AP2B1: variants seen among roughly 807,000 people sequenced by gnomAD.
AP2B1 encodes the protein AP-2 complex subunit beta.
AP2B1 carries 23 observed loss-of-function variants against 102.0 expected under a neutral mutation model. That is an observed-to-expected ratio of 0.23 (90% CI 0.16 to 0.32). The LOEUF is 0.32. AP2B1 is among the 10% of genes least tolerant of loss of function. The pLI is 1.00. For missense variants in AP2B1, 541 were observed against 1,157.4 expected, an observed-to-expected ratio of 0.47 and a Z score of 7.73; for synonymous variants, 381 against 421.2, an observed-to-expected ratio of 0.90 and a Z score of 1.17.
At chr17:35,708,528 T>G (rs901032537) in intron 18 of AP2B1, among the ~76,000 whole-genome samples, 1 of 152,068 alleles carries the variant, frequency 6.6e-6, no homozygotes, top group Non-Finnish European at 1.5e-5. Context: ...GAGAAGAAAA[T>G]TTATTTATTT....
At position 35,703,264 on chromosome 17, in the gene AP2B1, C is replaced by A. The variant is rs1005275392; in HGVS notation, c.2455-5960C>A. Among the ~76,000 whole-genome samples the A allele has an allele frequency of 5.3e-3, 539 of 101,828 alleles. 2 individuals are homozygous for A. The highest frequency in any genetic ancestry group is 7.1e-3 in the African/African-American group (180 of 25,382). 66.8% of individuals were successfully genotyped at this position (101,828 alleles called of 152,430 possible). On this transcript the variant is annotated intron_variant, in intron 18 of 21. Coordinates refer to ENST00000610402, the MANE Select transcript of AP2B1 (RefSeq NM_001030006.2). ...TGGGTGACAGAGCCAGACTCCATCT[C>A]AAAAAAAAAAAAAAAAAAGACCTAA... is the stretch of plus-strand genomic sequence containing the variant.
intron 3 of AP2B1, among the ~76,000 whole-genome samples, chr17:35,605,438 C>T (rs923873257): frequency 1.3e-5 from 2 of 151,888 alleles, no homozygotes; most frequent in African/African-American, 2.4e-5. Flanking sequence ...TTAGTAGAGA[C>T]GGGGTTTCTC....
intron 14 of AP2B1, among the ~76,000 whole-genome samples, chr17:35,660,555 C>T (rs2142897923): frequency 6.9e-6 from 1 of 144,692 alleles, no homozygotes; most frequent in East Asian, 2.0e-4. Context: ...GTGATCTTGG[C>T]TCACTGCAAC....
At chr17:35,590,146 G>T (rs949448641) in intron 1 of AP2B1, among the ~76,000 whole-genome samples, 1 of 151,994 alleles carries the variant, frequency 6.6e-6, no homozygotes, top group African/African-American at 2.4e-5. Context: ...GGATGGTCTC[G>T]ATCTCCTGAC....
At chr17:35,672,325 T>C (rs1372948265) in intron 16 of AP2B1, among the ~76,000 whole-genome samples, 1 of 152,200 alleles carries the variant, frequency 6.6e-6, no homozygotes, top group African/African-American at 2.4e-5. Context: ...TCATGGATTT[T>C]AGTGTACCTT....
At chr17:35,614,315 A>G (rs866519330) in intron 5 of AP2B1, among the ~76,000 whole-genome samples, 9 of 152,116 alleles carry the variant, frequency 5.9e-5, no homozygotes, top group African/African-American at 1.9e-4. Flanking sequence ...TTCCCGAGCA[A>G]CTGGAACTAC....
chr17:35,711,258 G>A (rs2076440850), intron 20 of AP2B1, among the ~76,000 whole-genome samples: 2 of 152,066 alleles, frequency 1.3e-5, no homozygotes, highest in Non-Finnish European at 1.5e-5. Context: ...GAGCCTTGGT[G>A]CTTGGTCGGT....
chr17:35,654,390 T>A (rs2075167278), intron 13 of AP2B1, among the ~76,000 whole-genome samples: 1 of 152,182 alleles, frequency 6.6e-6, no homozygotes, highest in African/African-American at 2.4e-5. Context: ...TTACTTTTTA[T>A]CATATAAATC....
chr17:35,627,358 CCTTT>C, intron 7 of AP2B1, 23 bp from the exon 8 acceptor site: 1 of 1,524,898 alleles, frequency 6.6e-7, no homozygotes, highest in Non-Finnish European at 8.9e-7. Flanking sequence ...CCTTCACCTT[CCTTT>C]CTTCTGTTTC....
intron 3 of AP2B1, among the ~76,000 whole-genome samples, chr17:35,598,869 G>A (rs1050330058): frequency 2.6e-5 from 4 of 152,140 alleles, no homozygotes; most frequent in Admixed American, 1.3e-4. Context: ...AGACCCTTTC[G>A]GGGGGTCCGT....
intron 5 of AP2B1, among the ~76,000 whole-genome samples, chr17:35,610,851 G>A (rs1280218346): frequency 6.6e-6 from 1 of 151,018 alleles, no homozygotes; most frequent in Non-Finnish European, 1.5e-5. Context: ...AGCTTGCAGT[G>A]AGCCGAGGTC....
chr17:35,596,770 C>G, intron 2 of AP2B1: 1 of 576,282 alleles, frequency 1.7e-6, no homozygotes, highest in South Asian at 1.7e-5. Flanking sequence ...ACAGCGCCCG[C>G]AGCTGCGCCC....
chr17:35,723,339 A>C (rs2085457942), intron 21 of AP2B1, among the ~76,000 whole-genome samples: 1 of 152,228 alleles, frequency 6.6e-6, no homozygotes, highest in African/African-American at 2.4e-5. Context: ...GCATTAGAGC[A>C]GCTGTTGCTC....
intron 21 of AP2B1, among the ~76,000 whole-genome samples, chr17:35,722,243 CAAAA>C (rs1340846252): frequency 6.6e-6 from 1 of 151,864 alleles, no homozygotes; most frequent in Non-Finnish European, 1.5e-5. Context: ...GACTCTGTCT[CAAAA>C]AAAGAATTGC....
chr17:35,592,522 G>A (rs866329369), intron 1 of AP2B1, among the ~76,000 whole-genome samples: 7 of 151,464 alleles, frequency 4.6e-5, no homozygotes, highest in African/African-American at 1.5e-4. Flanking sequence ...CTGAGCCACC[G>A]CGCCTGGCCC....
At chr17:35,617,648 C>G (rs1346553922) in intron 5 of AP2B1, among the ~76,000 whole-genome samples, 1 of 152,128 alleles carries the variant, frequency 6.6e-6, no homozygotes. Flanking sequence ...TTCCTGAAAG[C>G]TGGATCTGTT....
chr17:35,703,735 G>T (rs2076285209), intron 18 of AP2B1, among the ~76,000 whole-genome samples: 1 of 152,104 alleles, frequency 6.6e-6, no homozygotes, highest in Admixed American at 6.5e-5. Context: ...TGGGTACTAG[G>T]CTTAATAGCT....
chr17:35,620,114 G>C (rs959587763), intron 5 of AP2B1, among the ~76,000 whole-genome samples: 2 of 152,082 alleles, frequency 1.3e-5, no homozygotes, highest in African/African-American at 4.8e-5. Context: ...TGCTGCAAAT[G>C]TGTCCCTTTG....
At chr17:35,669,221 G>A (rs757718138) in intron 14 of AP2B1, among the ~76,000 whole-genome samples, 1 of 149,090 alleles carries the variant, frequency 6.7e-6, no homozygotes, top group Non-Finnish European at 1.5e-5. Flanking sequence ...TCAGCTCACC[G>A]CAACCTCCGT....
Sources: gnomAD v4.1 joint callset for allele counts (sites outside exome capture counted in the v4.1 genomes callset) on GRCh38, gnomAD v4.1.1 for gene constraint, MANE v1.5 for transcripts, NCBI Gene and HGNC (gene_info 2026-07-23, HGNC 2026-07-21) for gene names.